The following RBFOX1 variants were observed in gnomAD, a reference collection of about 807,000 sequenced individuals.
RBFOX1 encodes the protein RNA binding fox-1 homolog 1.
A neutral mutation model predicts 57.7 loss-of-function variants in RBFOX1; 8 were observed. The ratio of observed to expected loss-of-function variants is 0.14; its 90% CI spans 0.08 to 0.25. The LOEUF (loss-of-function observed/expected upper bound fraction) is 0.25, where lower values mean the gene tolerates loss of function less well. Ranked by LOEUF, RBFOX1 falls within the 10% of genes least tolerant of loss-of-function variation. The probability of loss-of-function intolerance (pLI) is 1.00; values close to 1 mark genes in which losing one functional copy is unlikely to be tolerated. For synonymous variants in RBFOX1, 326 were observed against 222.4 expected (o/e 1.47, Z -4.15); for missense variants, 611 against 548.5 (o/e 1.11, Z -1.14).
In RBFOX1 at chr16:5,549,985, A is replaced by G. The variant is rs571562267; in HGVS notation, c.259-48917A>G. ...ATGTGCACAGATGCTTGTATTTTGCATATTGCTCAATGTCTCAGCCCAGCT... is the reference window on the plus strand; with the variant it reads ...ATGTGCACAGATGCTTGTATTTTGCGTATTGCTCAATGTCTCAGCCCAGCT... On this transcript the variant is annotated intron_variant, in intron 2 of 2. Transcript: ENST00000585867. 3.9e-5 allele frequency among the ~76,000 whole-genome samples: 6 copies of G among 152,350 alleles called. No homozygotes were observed. The South Asian group carries it at 6.2e-4, about 16-fold the overall frequency.
chr16:6,826,609 C>T (rs1310619958), intron 3 of RBFOX1, among the ~76,000 whole-genome samples: 2 of 152,120 alleles, frequency 1.3e-5, no homozygotes, highest in Admixed American at 6.5e-5. Flanking sequence ...GTCCCTCTCC[C>T]TCTTGACATT....
At chr16:5,555,375 C>T (rs576843533) in intron 2 of RBFOX1, among the ~76,000 whole-genome samples, 1 of 152,002 alleles carries the variant, frequency 6.6e-6, no homozygotes, top group Non-Finnish European at 1.5e-5. Context: ...CTCAGCCTCC[C>T]GAGTAGCTGG....
chr16:6,989,948 C>A (rs568179810), intron 3 of RBFOX1, among the ~76,000 whole-genome samples: 1 of 152,120 alleles, frequency 6.6e-6, no homozygotes, highest in African/African-American at 2.4e-5. Flanking sequence ...TTGCAGTGAA[C>A]TGAGACCGCA....
At chr16:5,908,893 C>T (rs1044249956) in intron 4 of RBFOX1, among the ~76,000 whole-genome samples, 8 of 151,910 alleles carry the variant, frequency 5.3e-5, no homozygotes, top group Non-Finnish European at 1.0e-4. Flanking sequence ...TCACAGAGAG[C>T]TCCTCTCTGT....
chr16:6,871,449 T>G (rs147749818), intron 3 of RBFOX1, among the ~76,000 whole-genome samples: 116 of 152,212 alleles, frequency 7.6e-4, no homozygotes, highest in African/African-American at 2.7e-3. Context: ...GCCTCCCAAA[T>G]TGCTGGGATT....
At chr16:5,361,630 C>G (rs562231603) in intron 1 of RBFOX1, among the ~76,000 whole-genome samples, 5 of 152,172 alleles carry the variant, frequency 3.3e-5, no homozygotes, top group Non-Finnish European at 7.3e-5. Context: ...TGATTGCAAA[C>G]GTTGCAAGCC....
chr16:5,640,833 GCACA>G (rs142919715), intron 3 of RBFOX1, among the ~76,000 whole-genome samples: 96,506 of 142,628 alleles, frequency 0.68, 37,853 homozygotes, highest in Non-Finnish European at 0.89. Flanking sequence ...ACACATACAT[GCACA>G]CACACACACA....
In RBFOX1 at chr16:5,285,572, G is replaced by A. The variant is rs558558301; in HGVS notation, c.219+45467G>A. ...GACTATCTGTGCCTCTGACATAACC[G>A]TCACTTCTTCCAATTTTATGGATTC... On this transcript the variant is annotated intron_variant, in intron 1 of 2. Coordinates refer to the RBFOX1 transcript ENST00000585867. Among the ~76,000 whole-genome samples, 46 of 152,166 alleles carry A rather than the reference G, an allele frequency of 3.0e-4. 1 individual carries two copies. The highest frequency in any genetic ancestry group is 5.9e-4 in the Admixed American group (9 of 15,282).
intron 4 of RBFOX1, among the ~76,000 whole-genome samples, chr16:7,338,751 C>T (rs1172255572): frequency 1.3e-5 from 2 of 152,170 alleles, no homozygotes; most frequent in Non-Finnish European, 2.9e-5. Context: ...AGAGAGTAAC[C>T]ATCCTTATAG....
chr16:6,356,511 A>C (rs1214327412), intron 2 of RBFOX1, among the ~76,000 whole-genome samples: 1 of 152,208 alleles, frequency 6.6e-6, no homozygotes, highest in Non-Finnish European at 1.5e-5. Flanking sequence ...CTATAATTCC[A>C]GTCTGATTAT....
At chr16:6,966,087 T>C (rs2084083016) in intron 3 of RBFOX1, among the ~76,000 whole-genome samples, 1 of 152,148 alleles carries the variant, frequency 6.6e-6, no homozygotes, top group Non-Finnish European at 1.5e-5. Context: ...TTTTACTCTA[T>C]CACGGGGTTC....
intron 3 of RBFOX1, among the ~76,000 whole-genome samples, chr16:5,635,247 A>G (rs189773216): frequency 6.5e-4 from 99 of 152,338 alleles, no homozygotes; most frequent in Non-Finnish European, 1.1e-3. Flanking sequence ...ACTTCATTCT[A>G]TTGACCTCAC....
chr16:7,304,597 C>T (rs1188769941), intron 4 of RBFOX1: 10 of 984,866 alleles, frequency 1.0e-5, no homozygotes, highest in Non-Finnish European at 1.1e-5. Flanking sequence ...GGAGGGGGCT[C>T]CCGCGTTGCG....
intron 3 of RBFOX1, among the ~76,000 whole-genome samples, chr16:6,784,207 C>T (rs556860582): frequency 6.6e-5 from 10 of 152,058 alleles, no homozygotes; most frequent in African/African-American, 2.4e-4. Flanking sequence ...AACTTTCTAT[C>T]CCAATCTCTT....
At chr16:6,850,244 AG>A (rs1194057791) in intron 3 of RBFOX1, among the ~76,000 whole-genome samples, 1 of 152,196 alleles carries the variant, frequency 6.6e-6, no homozygotes, top group Non-Finnish European at 1.5e-5. Flanking sequence ...CGTAAAGTGT[AG>A]TGTGAAGCTT....
chr16:7,030,097 A>C (rs1481732331), intron 3 of RBFOX1, among the ~76,000 whole-genome samples: 1 of 152,208 alleles, frequency 6.6e-6, no homozygotes. Context: ...ATTGGTGCCA[A>C]AAATTATAAT....
chr16:5,764,001 G>C (rs1040078104), intron 3 of RBFOX1, among the ~76,000 whole-genome samples: 1 of 152,160 alleles, frequency 6.6e-6, no homozygotes, highest in Non-Finnish European at 1.5e-5. Context: ...CTCAAGGGCA[G>C]GTACTTTATC....
intron 4 of RBFOX1, among the ~76,000 whole-genome samples, chr16:7,480,661 T>C (rs2063715272): frequency 6.6e-6 from 1 of 152,228 alleles, no homozygotes; most frequent in Admixed American, 6.5e-5. Flanking sequence ...AGTGCAGTGC[T>C]GAGAGCTGTG....
intron 2 of RBFOX1, among the ~76,000 whole-genome samples, chr16:5,550,857 A>G (rs1168514630): frequency 6.6e-6 from 1 of 152,212 alleles, no homozygotes; most frequent in Non-Finnish European, 1.5e-5. Flanking sequence ...TACCAGGTGC[A>G]CAGGGCTGAT....
Sources: gnomAD v4.1 joint callset for allele counts (sites outside exome capture counted in the v4.1 genomes callset) on GRCh38, gnomAD v4.1.1 for gene constraint, MANE v1.5 for transcripts, NCBI Gene and HGNC (gene_info 2026-07-23, HGNC 2026-07-21) for gene names.